Variants in SHROOM4 observed in about 807,000 individuals in gnomAD.
SHROOM4 encodes shroom family member 4, also known as protein Shroom4.
SHROOM4 carries 17 observed loss-of-function variants against 80.3 expected under a neutral mutation model. The observed-to-expected ratio is 0.21, with a 90% CI of 0.14 to 0.32. The LOEUF (loss-of-function observed/expected upper bound fraction) is 0.32, where lower values mean the gene tolerates loss of function less well. Among genes scored for constraint, SHROOM4 ranks in the 10% least tolerant of loss-of-function variants. The pLI is 1.00. For missense variants in SHROOM4, 993 were observed against 1,140.3 expected, an observed-to-expected ratio of 0.87 and a Z score of 1.86; for synonymous variants, 400 against 437.5, an observed-to-expected ratio of 0.91 and a Z score of 1.07.
chrX:50,801,237 G>C (rs1557272546), intron 1 of SHROOM4, among the ~76,000 whole-genome samples: 1 of 77,903 alleles, frequency 1.3e-5, no homozygotes, highest in South Asian at 7.3e-4. Flanking sequence ...GAGAAGGAGG[G>C]AGGGAAGGAG....
chrX:50,780,627 T>G (rs920433395), intron 1 of SHROOM4, among the ~76,000 whole-genome samples: 3 of 111,715 alleles, frequency 2.7e-5, no homozygotes, highest in African/African-American at 9.8e-5. Flanking sequence ...GGATTTCATA[T>G]TGATAAAAAC....
chrX:50,765,574 A>G (rs1557269272), intron 1 of SHROOM4, among the ~76,000 whole-genome samples: 15 of 112,092 alleles, frequency 1.3e-4, no homozygotes. Flanking sequence ...GGAAGCAGGT[A>G]CAATATATGA....
chrX:50,625,918 G>A (rs187111260), intron 5 of SHROOM4, among the ~76,000 whole-genome samples: 2 of 112,371 alleles, frequency 1.8e-5, no homozygotes, highest in African/African-American at 6.5e-5. Flanking sequence ...TGCTGCTGCT[G>A]TTCTTCTTCC....
chrX:50,787,347 G>A (rs781885291), intron 1 of SHROOM4, among the ~76,000 whole-genome samples: 20 of 111,310 alleles, frequency 1.8e-4, no homozygotes, highest in Non-Finnish European at 2.8e-4. Context: ...AAGACAAGTC[G>A]TTGGTAATTA....
chrX:50,715,862 T>C (rs1391884631), intron 1 of SHROOM4, among the ~76,000 whole-genome samples: 1 of 105,064 alleles, frequency 9.5e-6, no homozygotes, highest in Non-Finnish European at 1.9e-5. Context: ...TGGGTATATA[T>C]TCCAAAAAAA....
chrX:50,584,725 C>A (rs781878997), downstream of SHROOM4, among the ~76,000 whole-genome samples: 1 of 111,359 alleles, frequency 9.0e-6, no homozygotes, highest in Non-Finnish European at 1.9e-5. Flanking sequence ...GGACTTCTAG[C>A]TTTCCTAGTT....
intron 2 of SHROOM4, among the ~76,000 whole-genome samples, chrX:50,657,469 G>C (rs1025133430): frequency 2.7e-5 from 3 of 109,835 alleles, no homozygotes; most frequent in Non-Finnish European, 5.7e-5. Context: ...TATCATGAAA[G>C]CATGTTGCAC....
At chrX:50,766,918 A>G (rs1935287953) in intron 1 of SHROOM4, among the ~76,000 whole-genome samples, 1 of 112,017 alleles carries the variant, frequency 8.9e-6, no homozygotes, top group African/African-American at 3.2e-5. Context: ...AAGATGAACG[A>G]GGAAACAGCA....
chrX:50,776,621 G>A (rs781891751), intron 1 of SHROOM4, among the ~76,000 whole-genome samples: 1 of 111,563 alleles, frequency 9.0e-6, no homozygotes, highest in Non-Finnish European at 1.9e-5. Context: ...TAAATTAGCA[G>A]AAAGAAGAAA....
chrX:50,598,561 A>T, intron 7 of SHROOM4, 26 bp from the exon 8 acceptor site: 1 of 1,193,223 alleles, frequency 8.4e-7, no homozygotes, highest in African/African-American at 1.7e-5. Context: ...AGGAGAAGAC[A>T]AAGGATGAGA....
chrX:50,645,780 C>T (rs782589334), intron 2 of SHROOM4, among the ~76,000 whole-genome samples: 21 of 111,346 alleles, frequency 1.9e-4, no homozygotes, highest in Middle Eastern at 4.6e-3. Context: ...GCTCAGGGGA[C>T]GGTAAAGATG....
chrX:50,762,657 C>A (rs782786855), intron 1 of SHROOM4, among the ~76,000 whole-genome samples: 1 of 111,635 alleles, frequency 9.0e-6, no homozygotes, highest in African/African-American at 3.3e-5. Flanking sequence ...GGTAGTTTTG[C>A]CAGATACAGG....
chrX:50,586,694 G>T (rs782285499), downstream of SHROOM4, among the ~76,000 whole-genome samples: 2 of 111,850 alleles, frequency 1.8e-5, no homozygotes, highest in Admixed American at 1.9e-4. Flanking sequence ...CAACCTTTCT[G>T]TCTAAACTAC....
At chrX:50,643,603 C>G (rs1557257524) in intron 2 of SHROOM4, 1 of 111,799 alleles carries the variant, frequency 8.9e-6, no homozygotes, top group Non-Finnish European at 1.9e-5. Flanking sequence ...GGAACGAAAG[C>G]CAGTGTCAAG....
Position 50,679,005 on chromosome X carries a change from C to A in SHROOM4, c.269+16781G>T, listed in dbSNP as rs1425920883. Among the ~76,000 whole-genome samples, 3 of 111,448 alleles carry A rather than the reference C, an allele frequency of 2.7e-5. No homozygotes were observed. In the East Asian group the frequency reaches 8.4e-4, roughly 31 times the overall value. ...CCAGTAACCTCTGAATTAGCAAACTCAATAGTCTTTTTTCAATATTCATCC... is the reference window on the plus strand; with the variant it reads ...CCAGTAACCTCTGAATTAGCAAACTAAATAGTCTTTTTTCAATATTCATCC... On this transcript the variant is annotated intron_variant, in intron 2 of 8. Transcript: ENST00000376020.
chrX:50,578,290 AAATT>A, the SHROOM4 span, among the ~76,000 whole-genome samples: 1,013 of 111,948 alleles, frequency 9.0e-3, 15 homozygotes, highest in African/African-American at 0.031. Context: ...AGCCATTTTT[AAATT>A]AATTAATTTA....
intron 1 of SHROOM4, among the ~76,000 whole-genome samples, chrX:50,734,936 C>T (rs1602472747): frequency 1.8e-5 from 2 of 110,541 alleles, no homozygotes; most frequent in East Asian, 5.7e-4. Context: ...TTTGCTCTTC[C>T]TTCATCTTCT....
At chrX:50,614,252 C>T (rs782599627) in intron 5 of SHROOM4, among the ~76,000 whole-genome samples, 4 of 111,816 alleles carry the variant, frequency 3.6e-5, no homozygotes, top group Admixed American at 9.4e-5. Context: ...AAGTAAGACA[C>T]AAAACATAAA....
At chrX:50,769,318 T>C (rs1935349182) in intron 1 of SHROOM4, among the ~76,000 whole-genome samples, 2 of 111,793 alleles carry the variant, frequency 1.8e-5, no homozygotes, top group South Asian at 7.5e-4. Context: ...CTGTAATAAA[T>C]ATAAAGGTTA....
Sources: gnomAD v4.1 joint callset for allele counts (sites outside exome capture counted in the v4.1 genomes callset) on GRCh38, gnomAD v4.1.1 for gene constraint, MANE v1.5 for transcripts, NCBI Gene and HGNC (gene_info 2026-07-23, HGNC 2026-07-21) for gene names.